The following TBC1D23 variants were observed in gnomAD, a reference collection of about 807,000 sequenced individuals.
The protein encoded by TBC1D23 is HCV non-structural protein 4A-transactivated protein 1.
TBC1D23 carries 55 observed loss-of-function variants against 91.4 expected under a neutral mutation model. The observed-to-expected ratio is 0.60, with a 90% confidence interval of 0.48 to 0.75. The LOEUF (loss-of-function observed/expected upper bound fraction) is 0.75. TBC1D23 is among the 30% of genes least tolerant of loss of function. The probability of loss-of-function intolerance (pLI) is 0.00; values close to 1 mark genes in which losing one functional copy is unlikely to be tolerated. For synonymous variants in TBC1D23, 289 were observed against 281.0 expected, an observed-to-expected ratio of 1.03 and a Z score of -0.28; for missense variants, 725 against 836.1, an observed-to-expected ratio of 0.87 and a Z score of 1.64.
At position 100,320,936 on chromosome 3, in the gene TBC1D23, C is replaced by T. The variant is rs1409928537; in HGVS notation, c.1983C>T (p.Ser661=). ...PELITFKYGN[S]SASGIEILAI... ...TCATTACCTTCAAGTATGGAAATAG[C>T]AGTGCTTCAGGAATAGAAATCTTGG... Residue 661 remains serine (S), a synonymous_variant, in exon 18 of 19, where the codon AGC becomes AGT. Transcript: ENST00000394144. 6.2e-7 allele frequency: 1 copy of T among 1,603,454 alleles called. No homozygotes were observed.
At chr3:100,265,892 C>T (rs188679272) in intron 1 of TBC1D23, among the ~76,000 whole-genome samples, 28 of 152,222 alleles carry the variant, frequency 1.8e-4, no homozygotes, top group African/African-American at 6.5e-4. Flanking sequence ...TTTCTGCACT[C>T]TGTAAATAGT....
chr3:100,300,228 T>TG (rs915762435), intron 10 of TBC1D23, among the ~76,000 whole-genome samples: 1 of 152,158 alleles, frequency 6.6e-6, no homozygotes, highest in Admixed American at 6.5e-5. Context: ...GCCTCAGGGA[T>TG]GGGGAACACA....
rs570378761 is a variant in TBC1D23 at position 100,273,583 on chromosome 3, C to A, written c.54-6066C>A. ...CCTAGGCAATCCTAAGCAAAAAGAA[C>A]AAAACTGAAGGCATCACGCTACCTG... On this transcript the variant is annotated intron_variant, in intron 1 of 18. Transcript: ENST00000394144. Among the ~76,000 whole-genome samples, 4 of 152,244 alleles carry A rather than the reference C, an allele frequency of 2.6e-5. No homozygotes were observed. The East Asian group carries it at 7.7e-4, about 29-fold the overall frequency.
chr3:100,313,328 G>T (rs888637836), intron 15 of TBC1D23, among the ~76,000 whole-genome samples: 1 of 152,014 alleles, frequency 6.6e-6, no homozygotes, highest in African/African-American at 2.4e-5. Context: ...TTTGAAAAGA[G>T]AATCTAATGA....
chr3:100,295,559 CTCTT>C (rs2067831923), intron 7 of TBC1D23, among the ~76,000 whole-genome samples: 1 of 152,108 alleles, frequency 6.6e-6, no homozygotes, highest in African/African-American at 2.4e-5. Context: ...TATTTGTTCA[CTCTT>C]TCATTCCTTT....
In TBC1D23 at chr3:100,319,054, T is replaced by C. The variant is rs779724020; in HGVS notation, c.1688-15T>C. On this transcript the variant is annotated splice_polypyrimidine_tract_variant and intron_variant, in intron 16 of 18. Transcript: ENST00000394144. ...GTTGGTAATATCCATATTTAATACT[T>C]TGTATTTTTTATAGATGAAATTGAC... 1.3e-6 allele frequency: 2 copies of C among 1,499,724 alleles called. No individual in the cohort carries two copies. Among genetic ancestry groups the C allele is most frequent in the South Asian group, 2.4e-5 (2 of 82,948 alleles). The allele number at this position is 1,499,724 out of a possible 1,614,324, so 92.9% of individuals were successfully genotyped here. A position where few individuals can be genotyped will look rare whatever the true frequency, so the allele number is the denominator to read the frequency against.
chr3:100,286,738 C>T (rs1231668521), intron 4 of TBC1D23, among the ~76,000 whole-genome samples: 1 of 152,064 alleles, frequency 6.6e-6, no homozygotes, highest in African/African-American at 2.4e-5. Context: ...TCAAGGGATC[C>T]GCCCAACTCG....
intron 11 of TBC1D23, among the ~76,000 whole-genome samples, chr3:100,302,788 G>A (rs933852436): frequency 1.2e-4 from 18 of 152,230 alleles, no homozygotes; most frequent in Admixed American, 1.3e-4. Flanking sequence ...GTTTCACTGT[G>A]TTGGCCAGGC....
At chr3:100,317,390 C>T (rs1028537416) in intron 16 of TBC1D23, among the ~76,000 whole-genome samples, 2 of 152,156 alleles carry the variant, frequency 1.3e-5, no homozygotes, top group Non-Finnish European at 2.9e-5. Flanking sequence ...TTTATTTAGT[C>T]AGTCTTCCAG....
chr3:100,302,277 GTTATCACCTT>G, intron 11 of TBC1D23, 40 bp downstream of exon 11: 1 of 1,512,504 alleles, frequency 6.6e-7, no homozygotes, highest in Non-Finnish European at 8.9e-7. Flanking sequence ...TTTGGTTAAT[GTTATCACCTT>G]TAAAAAATTT....
At chr3:100,302,360 G>T in intron 11 of TBC1D23, 123 bp downstream of exon 11, 1 of 710,394 alleles carries the variant, frequency 1.4e-6, no homozygotes, top group South Asian at 3.3e-5. Context: ...GACTTGTTAA[G>T]GTCTTCTCCA....
At position 100,296,291 on chromosome 3, in the gene TBC1D23, TGACCA is replaced by T; in HGVS notation, c.876+17_876+21del. The T allele has an allele frequency of 7.3e-7, 1 of 1,362,432 alleles. No individual in the cohort carries two copies. Among genetic ancestry groups the T allele is most frequent in the Non-Finnish European group, 1.0e-6 (1 of 969,606 alleles). 84.4% of individuals were successfully genotyped at this position (1,362,432 alleles called of 1,614,324 possible). A position where few individuals can be genotyped will look rare whatever the true frequency, so the allele number is the denominator to read the frequency against. On this transcript the variant is annotated intron_variant, in intron 8 of 18. Coordinates refer to ENST00000394144, the MANE Select transcript of TBC1D23 (RefSeq NM_001199198.3). ...TTTTAGGAAGGTATAAGACCAGAAA[TGACCA>T]ACTATGTTGTATTTCATATTTTGTA...
At chr3:100,301,800 GAAC>G (rs1214131774) in intron 10 of TBC1D23, 5 of 324,034 alleles carry the variant, frequency 1.5e-5, no homozygotes, top group African/African-American at 1.1e-4. Context: ...GAAAAAACAA[GAAC>G]AACAAACAGT....
At chr3:100,310,083 C>G (rs1322856333) in intron 13 of TBC1D23, among the ~76,000 whole-genome samples, 2 of 152,210 alleles carry the variant, frequency 1.3e-5, no homozygotes, top group Non-Finnish European at 2.9e-5. Context: ...TGAGGCCTCT[C>G]TCCTTGGCTT....
intron 16 of TBC1D23, 100 bp downstream of exon 16, chr3:100,316,287 G>A: frequency 3.6e-6 from 3 of 828,042 alleles, no homozygotes; most frequent in Non-Finnish European, 6.0e-6. Flanking sequence ...TTAAAAAAAT[G>A]AGATTCTGTA....
At chr3:100,290,753 T>C in intron 5 of TBC1D23, 52 bp downstream of exon 5, 1 of 1,455,316 alleles carries the variant, frequency 6.9e-7, no homozygotes, top group South Asian at 1.4e-5. Context: ...TATGTAAAGC[T>C]ATAGTTAGGT....
chr3:100,314,863 T>C (rs1705705688), intron 15 of TBC1D23, among the ~76,000 whole-genome samples: 1 of 152,176 alleles, frequency 6.6e-6, no homozygotes, highest in African/African-American at 2.4e-5. Context: ...ATAGAAGATT[T>C]TGAGTGTTTT....
intron 5 of TBC1D23, among the ~76,000 whole-genome samples, chr3:100,293,385 G>A (rs1256362659): frequency 1.3e-5 from 2 of 152,030 alleles, no homozygotes; most frequent in East Asian, 1.9e-4. Context: ...CACCCGCCTC[G>A]GCCTCCCAAA....
At chr3:100,291,451 G>T (rs561693594) in intron 5 of TBC1D23, among the ~76,000 whole-genome samples, 2 of 152,010 alleles carry the variant, frequency 1.3e-5, no homozygotes, top group East Asian at 3.9e-4. Context: ...GTGTGGTGGC[G>T]TGTACCTGTA....
Sources: allele counts gnomAD v4.1 joint callset (sites outside exome capture counted in the v4.1 genomes callset), GRCh38; gene constraint gnomAD v4.1.1; transcripts MANE v1.5; gene names NCBI Gene and HGNC (gene_info 2026-07-23, HGNC 2026-07-21).